The following LTF variants were observed in gnomAD, a reference collection of about 807,000 sequenced individuals.
The protein encoded by LTF is epididymis luminal protein 110.
LTF carries 91 observed loss-of-function variants against 87.2 expected under a neutral mutation model. The ratio of observed to expected loss-of-function variants is 1.04; its 90% CI spans 0.88 to 1.24. The LOEUF (loss-of-function observed/expected upper bound fraction) is 1.24. Among genes scored for constraint, LTF ranks in the 50% most tolerant of loss-of-function variants. The pLI is 0.00. For synonymous variants in LTF, 378 were observed against 356.1 expected, an observed-to-expected ratio of 1.06 and a Z score of -0.69; for missense variants, 901 against 904.3, an observed-to-expected ratio of 1.00 and a Z score of 0.05.
In LTF at chr3:46,445,299, T is replaced by A; in HGVS notation, c.1495A>T (p.Thr499Ser). 6.2e-7 allele frequency: 1 copy of A among 1,610,538 alleles called. No individual in the cohort carries two copies. The highest frequency in any genetic ancestry group is 8.5e-7 in the Non-Finnish European group (1 of 1,178,250). ...TCCTTACCAAATTTGCAGGAGCCCGTCTGGTTGAAGAGCAGGCCCATGGGG... is the reference window on the plus strand; with the variant it reads ...TCCTTACCAAATTTGCAGGAGCCCGACTGGTTGAAGAGCAGGCCCATGGGG... ...NIPMGLLFNQ[T>S]GSCKFDEYFS... The change falls in exon 12 of 17, where the codon ACG (threonine) becomes TCG (serine). Residue 499 changes from threonine to serine, a missense_variant. Thr to Ser is a moderately conservative substitution (Grantham distance 58). Transcript: ENST00000231751.
intron 2 of LTF, among the ~76,000 whole-genome samples, chr3:46,459,326 C>A (rs568434798): frequency 6.6e-6 from 1 of 152,206 alleles, no homozygotes; most frequent in African/African-American, 2.4e-5. Flanking sequence ...GGAGGATTTC[C>A]CTCTCTGAGT....
In LTF at chr3:46,477,957, C is replaced by T. The variant is rs939913190; in HGVS notation, c.-320+7029G>A. Among the ~76,000 whole-genome samples, 15 of 152,106 alleles carry T rather than the reference C, an allele frequency of 9.9e-5. 2 individuals carry two copies. The highest frequency in any genetic ancestry group is 7.9e-4 in the Admixed American group (12 of 15,270). ...TCACCCTACAGGGAGGACAGAGGGC[C>T]GAGCGGGAGCCACTTTCCCCAGTCT... On this transcript the variant is annotated intron_variant, in intron 1 of 19. Coordinates refer to the LTF transcript ENST00000443496.
rs1559614578 is a variant in LTF, at chr3:46,482,560, G to GAAGGGAAGGGAAGGGAAGGA, written c.-320+2425_-320+2426insTCCTTCCCTTCCCTTCCCTT. ...GAAGGGAAGGGAAGGGAAGGGAAGG[G>GAAGGGAAGGGAAGGGAAGGA]AAGGGAAGGGAAAGGAAAGGAAGGG... On this transcript the variant is annotated intron_variant, in intron 1 of 19. Coordinates refer to the LTF transcript ENST00000443496. Among the ~76,000 whole-genome samples the GAAGGGAAGGGAAGGGAAGGA allele has an allele frequency of 5.7e-5, 3 of 52,332 alleles. 1 individual carries two copies. Among genetic ancestry groups the GAAGGGAAGGGAAGGGAAGGA allele is most frequent in the African/African-American group, 2.4e-4 (3 of 12,580 alleles). The allele number at this position is 52,332 out of a possible 152,430, so 34.3% of individuals were successfully genotyped here.
intron 1 of LTF, 41 bp downstream of exon 1, chr3:46,464,781 AGAC>A: frequency 6.2e-7 from 1 of 1,604,966 alleles, no homozygotes; most frequent in Non-Finnish European, 8.5e-7. Context: ...AGGGCGCAGG[AGAC>A]GCCCATCAGG....
intron 1 of LTF, among the ~76,000 whole-genome samples, chr3:46,478,122 A>G (rs1703384878): frequency 6.7e-6 from 1 of 149,776 alleles, no homozygotes; most frequent in Non-Finnish European, 1.5e-5. Flanking sequence ...TAACTCTTTC[A>G]CTCCTCTCTC....
chr3:46,454,294 C>T lies in LTF; in HGVS notation c.703+11G>A, dbSNP rs191035979. On this transcript the variant is annotated intron_variant, in intron 6 of 16. Coordinates refer to ENST00000231751, the MANE Select transcript of LTF (RefSeq NM_002343.6). ...GGGGTCAGTACCCACGGCTCATTAC[C>T]CTGCTCTTACCAAACACTGTGCTCT... is the stretch of plus-strand genomic sequence containing the variant. 47 of 1,613,780 alleles carry T rather than the reference C, an allele frequency of 2.9e-5. No individual in the cohort carries two copies. The Admixed American group carries it at 5.5e-4, about 19-fold the overall frequency.
chr3:46,480,151 T>A (rs901843173), intron 1 of LTF, among the ~76,000 whole-genome samples: 4 of 152,186 alleles, frequency 2.6e-5, no homozygotes, highest in Admixed American at 2.6e-4. Context: ...TCGCTGCCAT[T>A]CAGAATGGCA....
chr3:46,445,138 C>A, intron 12 of LTF, 143 bp downstream of exon 12: 1 of 832,142 alleles, frequency 1.2e-6, no homozygotes, highest in Non-Finnish European at 1.8e-6. Flanking sequence ...GGGGCAGCCA[C>A]AGGGAGAATT....
intron 4 of LTF, 54 bp from the exon 5 acceptor site, chr3:46,455,496 A>G: frequency 6.2e-7 from 1 of 1,607,962 alleles, no homozygotes; most frequent in African/African-American, 1.3e-5. Context: ...TGGTCACAGC[A>G]GGTTACACCT....
rs1023771557 is a variant in LTF, at chr3:46,448,784, T to C, written c.1212+79A>G. 1.8e-5 allele frequency: 28 copies of C among 1,548,978 alleles called. No homozygotes were observed. The African/African-American group carries it at 3.9e-4, about 22-fold the overall frequency. On this transcript the variant is annotated intron_variant, in intron 9 of 16. Transcript: ENST00000231751. Reference sequence around the variant, plus strand: ...AGGCCCCCGTGGCCTCTTTGACTGTTGACTTCACTTTAAGCAGATGCCCAG... The same window carrying C: ...AGGCCCCCGTGGCCTCTTTGACTGTCGACTTCACTTTAAGCAGATGCCCAG...
chr3:46,462,310 C>T (rs551240081), intron 1 of LTF, among the ~76,000 whole-genome samples: 11 of 151,944 alleles, frequency 7.2e-5, no homozygotes, highest in South Asian at 2.1e-4. Flanking sequence ...AGAACAAATA[C>T]CAAACAAATA....
intron 10 of LTF, 43 bp downstream of exon 10, chr3:46,447,262 CCCA>C (rs1702677580): frequency 4.2e-6 from 6 of 1,437,068 alleles, no homozygotes; most frequent in Non-Finnish European, 5.9e-6. Flanking sequence ...TAGCCCCACT[CCCA>C]TGACCCAGAG....
At chr3:46,468,804 G>A (rs550420118), upstream of LTF, among the ~76,000 whole-genome samples, 2 of 152,360 alleles carry the variant, frequency 1.3e-5, no homozygotes, top group South Asian at 4.1e-4. Context: ...GCTGACTTGA[G>A]AACCACTTGT....
chr3:46,439,017 G>GA (rs1269266752), intron 15 of LTF, among the ~76,000 whole-genome samples: 5 of 152,234 alleles, frequency 3.3e-5, no homozygotes, highest in Middle Eastern at 3.4e-3. Flanking sequence ...CAGCAGGAGG[G>GA]AAAAAGACAG....
intron 1 of LTF, among the ~76,000 whole-genome samples, chr3:46,478,177 C>G (rs1166428921): frequency 1.3e-5 from 2 of 152,182 alleles, no homozygotes; most frequent in Non-Finnish European, 2.9e-5. Flanking sequence ...TCTCTCTCAC[C>G]ATCATGCCCT....
intron 12 of LTF, among the ~76,000 whole-genome samples, chr3:46,444,655 C>T (rs565662388): frequency 1.8e-4 from 28 of 152,208 alleles, no homozygotes; most frequent in Admixed American, 3.3e-4. Flanking sequence ...GGATCAAAAA[C>T]CCATGCAGTG....
intron 1 of LTF, chr3:46,463,616 A>G (rs1703140343): frequency 1.0e-6 from 1 of 985,290 alleles, no homozygotes; most frequent in Admixed American, 6.1e-5. Flanking sequence ...CAAAACAACT[A>G]AAGATCCAAG....
chr3:46,445,536 G>A (rs1702632481), intron 11 of LTF, 100 bp from the exon 12 acceptor site: 4 of 988,422 alleles, frequency 4.0e-6, no homozygotes, highest in Non-Finnish European at 4.5e-6. Context: ...AACAGGCCAA[G>A]AAGCAACACC....
intron 13 of LTF, chr3:46,441,903 G>T (rs1051531627): frequency 1.1e-5 from 1 of 90,506 alleles, no homozygotes; most frequent in Non-Finnish European, 2.2e-5. Flanking sequence ...AGCACCCAGA[G>T]AGAGAGAGAG....
Sources: allele counts gnomAD v4.1 joint callset (sites outside exome capture counted in the v4.1 genomes callset), GRCh38; gene constraint gnomAD v4.1.1; transcripts MANE v1.5; gene names NCBI Gene and HGNC (gene_info 2026-07-23, HGNC 2026-07-21).